The following RBM46 variants were observed in gnomAD, a reference collection of about 807,000 sequenced individuals.
RBM46 encodes the protein RNA binding motif protein 46, also known as probable RNA-binding protein 46.
A neutral mutation model predicts 43.3 loss-of-function variants in RBM46; 12 were observed. The observed-to-expected ratio is 0.28, with a 90% CI of 0.18 to 0.45. The LOEUF (loss-of-function observed/expected upper bound fraction) is 0.45. RBM46 is among the 20% of genes least tolerant of loss of function. The probability of loss-of-function intolerance (pLI) is 1.00; values close to 1 mark genes in which losing one functional copy is unlikely to be tolerated. For missense variants in RBM46, 412 were observed against 639.1 expected (o/e 0.64, Z 3.83); for synonymous variants, 205 against 207.6 (o/e 0.99, Z 0.11).
intron 4 of RBM46, among the ~76,000 whole-genome samples, chr4:154,813,949 A>AC (rs1370246704): frequency 1.3e-5 from 2 of 152,042 alleles, no homozygotes; most frequent in African/African-American, 4.8e-5. Flanking sequence ...TTTCTGTCAA[A>AC]CTAAAGACCA....
At chr4:154,811,700 T>TGTGTGA (rs1186984712) in intron 4 of RBM46, among the ~76,000 whole-genome samples, 113 of 150,168 alleles carry the variant, frequency 7.5e-4, no homozygotes, top group East Asian at 5.4e-3. Flanking sequence ...TGTGTGTGTG[T>TGTGTGA]GACAGAGTTT....
At chr4:154,803,835 C>A (rs1442427461) in intron 4 of RBM46, among the ~76,000 whole-genome samples, 1 of 151,578 alleles carries the variant, frequency 6.6e-6, no homozygotes, top group African/African-American at 2.4e-5. Context: ...TTTGTCCCTG[C>A]CAAATCTCAT....
At chr4:154,783,147 A>C (rs1733586847) in intron 1 of RBM46, among the ~76,000 whole-genome samples, 1 of 152,206 alleles carries the variant, frequency 6.6e-6, no homozygotes, top group African/African-American at 2.4e-5. Flanking sequence ...ATAGACATAA[A>C]GATGACAGTG....
chr4:154,795,801 T>C (rs1212288618), intron 1 of RBM46, among the ~76,000 whole-genome samples: 1 of 152,108 alleles, frequency 6.6e-6, no homozygotes, highest in Non-Finnish European at 1.5e-5. Flanking sequence ...CTAGCACTAA[T>C]TGAAGTAAAA....
In RBM46 at chr4:154,828,309, T is replaced by C. The variant is rs1736063426; in HGVS notation, c.*242T>C. On this transcript the variant is annotated 3_prime_UTR_variant, in exon 5 of 5. Transcript: ENST00000281722. The stretch of plus-strand genomic sequence containing the variant: ...ATAAAGGTACAGCAAACTACTATTC[T>C]TTTTAAACTTCTAGGATTTTCTTCT... The C allele has an allele frequency of 2.4e-6, 1 of 420,666 alleles. No individual in the cohort carries two copies. The highest frequency in any genetic ancestry group is 3.9e-5 in the South Asian group (1 of 25,640). The allele number at this position is 420,666 out of a possible 1,614,324, so 26.1% of individuals were successfully genotyped here.
At chr4:154,796,473 C>G (rs983173462) in intron 1 of RBM46, among the ~76,000 whole-genome samples, 1 of 151,914 alleles carries the variant, frequency 6.6e-6, no homozygotes, top group Admixed American at 6.6e-5. Context: ...TTTTTTCATT[C>G]TTTGTTGCTT....
At chr4:154,788,330 TAA>T (rs1461925491) in intron 1 of RBM46, among the ~76,000 whole-genome samples, 3 of 152,230 alleles carry the variant, frequency 2.0e-5, no homozygotes, top group Non-Finnish European at 4.4e-5. Flanking sequence ...GTCTAACATT[TAA>T]GTCTTTAATC....
At position 154,789,903 on chromosome 4, in the gene RBM46, G is replaced by A. The variant is rs156514; in HGVS notation, c.-11-6839G>A. On this transcript the variant is annotated intron_variant, in intron 1 of 4. Coordinates refer to ENST00000281722, the MANE Select transcript of RBM46 (RefSeq NM_144979.5). ...CAACTTCTTCCTGGTTTAGTCTTGGGAGGGTGTATGTGTCCAGGAATTTAT... is the reference window on the plus strand; with the variant it reads ...CAACTTCTTCCTGGTTTAGTCTTGGAAGGGTGTATGTGTCCAGGAATTTAT... Among the ~76,000 whole-genome samples the A allele has an allele frequency of 3.2e-3, 487 of 152,262 alleles. 8 individuals are homozygous for A. The highest frequency in any genetic ancestry group is 0.011 in the African/African-American group (455 of 41,544).
Position 154,798,790 on chromosome 4 carries a change from C to A in RBM46, c.628C>A (p.Gln210Lys). 6.8e-7 allele frequency: 1 copy of A among 1,463,916 alleles called. No individual in the cohort carries two copies. Among genetic ancestry groups the A allele is most frequent in the South Asian group, 1.5e-5 (1 of 65,708 alleles). 90.7% of individuals were successfully genotyped at this position (1,463,916 alleles called of 1,614,324 possible). Reference protein sequence around the residue: ...ARRKLIPGTFQLWGHTIQVDW... With the variant: ...ARRKLIPGTFKLWGHTIQVDW... ...TTATTTTTTTTTTACAGGAACATTC[C>A]AACTATGGGGCCACACCATTCAGGT... is the stretch of plus-strand genomic sequence containing the variant. Residue 210 changes from glutamine (Q) to lysine (K), a missense_variant, in exon 4 of 5, where the codon CAA (glutamine) becomes AAA (lysine). By Grantham distance (53) the Gln-to-Lys change is moderately conservative. This residue lies in a region of RBM46 where 54 missense variants were observed against 102.5 expected (regional missense o/e 0.53). Transcript: ENST00000281722.
chr4:154,819,494 C>T (rs948717363), intron 4 of RBM46, among the ~76,000 whole-genome samples: 3 of 152,136 alleles, frequency 2.0e-5, no homozygotes, highest in African/African-American at 7.2e-5. Flanking sequence ...ATCACAGCCC[C>T]ATAATTCGTC....
chr4:154,795,596 T>C (rs981586432), intron 1 of RBM46, among the ~76,000 whole-genome samples: 9 of 152,074 alleles, frequency 5.9e-5, no homozygotes, highest in African/African-American at 2.2e-4. Flanking sequence ...AACTCCCAGG[T>C]ACCTTTGAAG....
intron 4 of RBM46, among the ~76,000 whole-genome samples, chr4:154,804,252 G>T (rs1560902807): frequency 6.6e-6 from 1 of 152,176 alleles, no homozygotes. Context: ...TGGAGGGTTA[G>T]AATAGATAGG....
intron 1 of RBM46, among the ~76,000 whole-genome samples, chr4:154,788,056 G>A (rs1158749464): frequency 6.6e-6 from 1 of 152,120 alleles, no homozygotes; most frequent in Non-Finnish European, 1.5e-5. Context: ...TTGTAAATCT[G>A]TTTAAGTTCT....
At chr4:154,821,901 G>A (rs1735737824) in intron 4 of RBM46, among the ~76,000 whole-genome samples, 1 of 151,612 alleles carries the variant, frequency 6.6e-6, no homozygotes, top group Admixed American at 6.6e-5. Context: ...TAGCATCCTA[G>A]GTAATTGAGG....
chr4:154,827,596 A>G (rs2111230294), intron 4 of RBM46: 6 of 1,175,852 alleles, frequency 5.1e-6, no homozygotes, highest in African/African-American at 1.6e-5. Flanking sequence ...TCTATAATCA[A>G]AACTCCAAGA....
chr4:154,807,030 CTAGTTTTAAT>C, intron 4 of RBM46, among the ~76,000 whole-genome samples: 1 of 151,922 alleles, frequency 6.6e-6, no homozygotes, highest in African/African-American at 2.4e-5. Context: ...TTCTAATAAA[CTAGTTTTAAT>C]AGCAGCTACT....
chr4:154,823,399 G>A (rs1400182129), intron 4 of RBM46, among the ~76,000 whole-genome samples: 1 of 151,872 alleles, frequency 6.6e-6, no homozygotes, highest in Non-Finnish European at 1.5e-5. Flanking sequence ...GATGGATATG[G>A]TGGTAGAACT....
chr4:154,799,465 A>G lies in RBM46; in HGVS notation c.1303A>G (p.Ile435Val), dbSNP rs558426035. The G allele has an allele frequency of 6.8e-6, 11 of 1,613,716 alleles. No individual in the cohort carries two copies. Among genetic ancestry groups the G allele is most frequent in the Middle Eastern group, 1.6e-4 (1 of 6,084 alleles). Residue 435 changes from isoleucine to valine, a missense_variant, in exon 4 of 5, where the codon ATT (isoleucine) becomes GTT (valine). Physicochemically the swap from Ile to Val is conservative, Grantham distance 29. Coordinates refer to ENST00000281722, the MANE Select transcript of RBM46 (RefSeq NM_144979.5). ...LLVYKIVIPAIANGSQSYFMP... is the reference protein window; with the variant it reads ...LLVYKIVIPAVANGSQSYFMP... ...GGTGTATAAGATAGTTATTCCTGCT[A>G]TTGCAAATGGATCCCAGAGTTACTT... is the stretch of plus-strand genomic sequence containing the variant.
intron 4 of RBM46, among the ~76,000 whole-genome samples, chr4:154,812,932 C>G (rs756088560): frequency 2.6e-5 from 4 of 152,074 alleles, no homozygotes; most frequent in African/African-American, 9.7e-5. Context: ...CCCAAAATGA[C>G]TTTTTCTTTA....
Sources: allele counts gnomAD v4.1 joint callset (sites outside exome capture counted in the v4.1 genomes callset), GRCh38; gene constraint gnomAD v4.1.1; regional missense constraint gnomAD v4.1.1; transcripts MANE v1.5; gene names NCBI Gene and HGNC (gene_info 2026-07-23, HGNC 2026-07-21).